DLC1: variants seen among roughly 807,000 people sequenced by gnomAD.
DLC1 encodes DLC1 Rho GTPase activating protein.
DLC1 carries 54 observed loss-of-function variants against 140.3 expected under a neutral mutation model. The observed-to-expected ratio is 0.38, with a 90% CI of 0.31 to 0.48. The LOEUF (loss-of-function observed/expected upper bound fraction) is 0.48, where lower values mean the gene tolerates loss of function less well. Among genes scored for constraint, DLC1 ranks in the 20% least tolerant of loss-of-function variants. DLC1 has a pLI of 0.96. For synonymous variants in DLC1, 986 were observed against 728.1 expected (o/e 1.35, Z -5.70); for missense variants, 2,536 against 1,907.0 (o/e 1.33, Z -6.14).
intron 5 of DLC1, among the ~76,000 whole-genome samples, chr8:13,254,607 A>G (rs1830138718): frequency 6.6e-6 from 1 of 152,048 alleles, no homozygotes; most frequent in South Asian, 2.1e-4. Flanking sequence ...ACAAAATTTC[A>G]TTATCTCTAT....
At chr8:13,124,709 C>T (rs1211978108) in intron 5 of DLC1, among the ~76,000 whole-genome samples, 2 of 152,190 alleles carry the variant, frequency 1.3e-5, no homozygotes, top group African/African-American at 2.4e-5. Context: ...ATAAAACCTG[C>T]GCTTGCCAGT....
intron 4 of DLC1, among the ~76,000 whole-genome samples, chr8:13,377,361 G>A (rs1705861516): frequency 6.6e-6 from 1 of 152,104 alleles, no homozygotes; most frequent in Admixed American, 6.6e-5. Flanking sequence ...TCTAAAGATG[G>A]TCACAAATAT....
At chr8:13,604,528 G>A (rs576881227) in intron 1 of DLC1, 1 of 152,294 alleles carries the variant, frequency 6.6e-6, no homozygotes, top group African/African-American at 2.4e-5. Flanking sequence ...AGAAGGAAAA[G>A]AGTTTTACCT....
intron 5 of DLC1, among the ~76,000 whole-genome samples, chr8:13,157,698 C>T (rs1331456601): frequency 6.6e-6 from 1 of 152,162 alleles, no homozygotes; most frequent in East Asian, 1.9e-4. Flanking sequence ...AATTTAAATG[C>T]TAACAGGGTG....
In DLC1 at chr8:13,222,776, C is replaced by T. The variant is rs538634470; in HGVS notation, c.1348+82493G>A. 5.3e-5 allele frequency among the ~76,000 whole-genome samples: 8 copies of T among 152,252 alleles called. No individual in the cohort carries two copies. The East Asian group carries it at 1.5e-3, about 29-fold the overall frequency. ...TCTGTGGTGGGGGGACAGGGTCTTG[C>T]TCTGTCACCCAGGGTGGAGTGCAGC... On this transcript the variant is annotated intron_variant, in intron 5 of 17. Coordinates refer to ENST00000276297, the MANE Select transcript of DLC1 (RefSeq NM_182643.3).
At chr8:13,380,941 C>T (rs1449886931) in intron 4 of DLC1, among the ~76,000 whole-genome samples, 1 of 152,110 alleles carries the variant, frequency 6.6e-6, no homozygotes, top group Non-Finnish European at 1.5e-5. Flanking sequence ...GTGAAAACAT[C>T]CACCTCCAAC....
At chr8:13,457,794 C>A (rs191123368) in intron 2 of DLC1, among the ~76,000 whole-genome samples, 36 of 151,940 alleles carry the variant, frequency 2.4e-4, no homozygotes, top group Non-Finnish European at 4.1e-4. Context: ...ATGATCCCTG[C>A]CCCACCAAGG....
chr8:13,181,095 A>G (rs1366338850), intron 5 of DLC1, among the ~76,000 whole-genome samples: 1 of 151,960 alleles, frequency 6.6e-6, no homozygotes, highest in Non-Finnish European at 1.5e-5. Flanking sequence ...CTTTTCTCCA[A>G]CTGCCCTTTC....
At chr8:13,503,005 A>C (rs542059537) in intron 1 of DLC1, among the ~76,000 whole-genome samples, 1 of 152,338 alleles carries the variant, frequency 6.6e-6, no homozygotes, top group African/African-American at 2.4e-5. Context: ...AAATTTCCAA[A>C]TTTGTGATAT....
At chr8:13,224,025 T>G (rs890998932) in intron 5 of DLC1, among the ~76,000 whole-genome samples, 1 of 152,180 alleles carries the variant, frequency 6.6e-6, no homozygotes, top group Non-Finnish European at 1.5e-5. Flanking sequence ...CAAGATCGCA[T>G]TATGTAATTT....
chr8:13,232,407 C>G (rs1221608865), intron 5 of DLC1, among the ~76,000 whole-genome samples: 2 of 151,998 alleles, frequency 1.3e-5, no homozygotes, highest in African/African-American at 2.4e-5. Context: ...GATCTTGGCT[C>G]ACTGCAACCT....
At chr8:13,271,083 C>G (rs1830914147) in intron 5 of DLC1, among the ~76,000 whole-genome samples, 2 of 152,190 alleles carry the variant, frequency 1.3e-5, no homozygotes, top group Admixed American at 1.3e-4. Flanking sequence ...CAAAGCCACC[C>G]TTGACATCAA....
chr8:13,467,702 G>C (rs1310870076), intron 2 of DLC1, among the ~76,000 whole-genome samples: 1 of 152,120 alleles, frequency 6.6e-6, no homozygotes, highest in Non-Finnish European at 1.5e-5. Context: ...CTGCATTCCA[G>C]CCTGGGTAAC....
At chr8:13,219,115 A>T (rs187787839) in intron 5 of DLC1, among the ~76,000 whole-genome samples, 1 of 71,096 alleles carries the variant, frequency 1.4e-5, no homozygotes, top group African/African-American at 6.5e-5. Context: ...ATTATATGTG[A>T]ATATAATTAT....
intron 2 of DLC1, among the ~76,000 whole-genome samples, chr8:13,424,236 C>G (rs4427175): frequency 5.3e-5 from 8 of 152,056 alleles, no homozygotes; most frequent in African/African-American, 1.9e-4. Context: ...CGGTGGCTCA[C>G]CCCTATAATC....
At chr8:13,586,794 A>G (rs992681705) in intron 1 of DLC1, among the ~76,000 whole-genome samples, 17 of 152,076 alleles carry the variant, frequency 1.1e-4, no homozygotes, top group Admixed American at 7.9e-4. Context: ...CCACAAGGAT[A>G]TATGAAGTTT....
chr8:13,432,334 G>A (rs1838915498), intron 2 of DLC1, among the ~76,000 whole-genome samples: 1 of 152,116 alleles, frequency 6.6e-6, no homozygotes, highest in South Asian at 2.1e-4. Flanking sequence ...TAATTTGAGA[G>A]CAAAACATGC....
intron 1 of DLC1, among the ~76,000 whole-genome samples, chr8:13,601,667 A>C (rs1296355364): frequency 6.6e-6 from 1 of 151,648 alleles, no homozygotes; most frequent in Non-Finnish European, 1.5e-5. Context: ...AAAACAAAAC[A>C]ACAACGACAA....
intron 2 of DLC1, among the ~76,000 whole-genome samples, chr8:13,432,836 C>G (rs567106372): frequency 4.6e-5 from 7 of 151,720 alleles, no homozygotes; most frequent in Non-Finnish European, 8.8e-5. Context: ...ACTGCGCTGA[C>G]AAGGAGCTGG....
Sources: gnomAD v4.1 joint callset for allele counts (sites outside exome capture counted in the v4.1 genomes callset) on GRCh38, gnomAD v4.1.1 for gene constraint, MANE v1.5 for transcripts, NCBI Gene and HGNC (gene_info 2026-07-23, HGNC 2026-07-21) for gene names.